The following FLRT3 variants were observed in gnomAD, a reference collection of about 807,000 sequenced individuals.
FLRT3 encodes the protein leucine-rich repeat transmembrane protein FLRT3.
FLRT3 carries 17 observed loss-of-function variants against 42.6 expected under a neutral mutation model. The observed-to-expected ratio is 0.40, with a 90% CI of 0.27 to 0.60. FLRT3 has a LOEUF of 0.60. Among genes scored for constraint, FLRT3 ranks in the 20% least tolerant of loss-of-function variants. FLRT3 has a pLI of 0.44. For missense variants in FLRT3, 635 were observed against 789.2 expected (o/e 0.80, Z 2.34); for synonymous variants, 279 against 286.4 (o/e 0.97, Z 0.26).
rs2082705706 is a variant in FLRT3, at chr20:14,324,646, A to T, written c.*911T>A. The T allele has an allele frequency of 6.6e-6, 1 of 152,180 alleles. No individual in the cohort carries two copies. Among genetic ancestry groups the T allele is most frequent in the African/African-American group, 2.4e-5 (1 of 41,464 alleles). The allele number at this position is 152,180 out of a possible 1,614,324, so 9.4% of individuals were successfully genotyped here. A position where few individuals can be genotyped will look rare whatever the true frequency, so the allele number is the denominator to read the frequency against. On this transcript the variant is annotated 3_prime_UTR_variant, in exon 3 of 3. Transcript: ENST00000341420. ...TTTCTCTGACATCCTTTATGATAAA[A>T]ACATCATAAACACTAACAATTTTGT...
chr20:14,326,341 G>A lies in FLRT3; in HGVS notation c.1166C>T (p.Pro389Leu), dbSNP rs997070065. Residue 389 changes from proline (P) to leucine (L), a missense_variant, in exon 3 of 3, where the codon CCA becomes CTA. By Grantham distance (98) the Pro-to-Leu change is moderately conservative. Coordinates refer to ENST00000341420, the MANE Select transcript of FLRT3 (RefSeq NM_198391.3). This position sits in a 1 kb window ranked among gnomAD's most constrained non-coding sequence, Gnocchi z 5.5. ...GQWPAPVTKQ[P>L]DIKNPKLTKD... ...AGTGAGCTTGGGGTTCTTAATATCT[G>A]GCTGTTTGGTCACTGGAGCTGGCCA... 7.4e-6 allele frequency: 12 copies of A among 1,613,762 alleles called. No individual in the cohort carries two copies. The highest frequency in any genetic ancestry group is 1.0e-5 in the Non-Finnish European group (12 of 1,179,866).
In FLRT3 at chr20:14,325,548, C is replaced by T. The variant is rs1389209915; in HGVS notation, c.*9G>A. 4 of 1,599,072 alleles carry T rather than the reference C, an allele frequency of 2.5e-6. No homozygotes were observed. Among genetic ancestry groups the T allele is most frequent in the Non-Finnish European group, 3.4e-6 (4 of 1,171,904 alleles). The stretch of plus-strand genomic sequence containing the variant: ...CCCAAAACACAAGTCTGCTGTGAGT[C>T]CTTCAGCATCATGAGTGTGAGTGAT... On this transcript the variant is annotated 3_prime_UTR_variant, in exon 3 of 3. Coordinates refer to ENST00000341420, the MANE Select transcript of FLRT3 (RefSeq NM_198391.3).
chr20:14,330,053 T>A (rs2082805462), intron 1 of FLRT3, among the ~76,000 whole-genome samples: 1 of 152,042 alleles, frequency 6.6e-6, no homozygotes, highest in African/African-American at 2.4e-5. Flanking sequence ...AAAAAAAAAT[T>A]GTATTTGAAA....
chr20:14,327,204 G>T lies in FLRT3; in HGVS notation c.303C>A (p.Asn101Lys). Reference sequence around the variant, plus strand: ...GTAACTCTTTTACATACTTTGGGAGGTTGGTAGGAAATTCATCTAAACTGT... The same window carrying T: ...GTAACTCTTTTACATACTTTGGGAGTTTGGTAGGAAATTCATCTAAACTGT... ...YHNSLDEFPT[N>K]LPKYVKELHL... Residue 101 changes from asparagine to lysine, a missense_variant, in exon 3 of 3, where the codon AAC (asparagine) becomes AAA (lysine). Transcript: ENST00000341420. 6.2e-7 allele frequency: 1 copy of T among 1,613,594 alleles called. No individual in the cohort carries two copies. Among genetic ancestry groups the T allele is most frequent in the Non-Finnish European group, 8.5e-7 (1 of 1,179,726 alleles).
chr20:14,328,608 G>T (rs1003169373), intron 2 of FLRT3, among the ~76,000 whole-genome samples: 1 of 152,106 alleles, frequency 6.6e-6, no homozygotes, highest in South Asian at 2.1e-4. Context: ...TAAATTTTGC[G>T]GGGGTGAATA....
chr20:14,326,087 G>A lies in FLRT3; in HGVS notation c.1420C>T (p.Pro474Ser). Residue 474 changes from proline (P) to serine (S), a missense_variant, in exon 3 of 3, where the codon CCC becomes TCC. By Grantham distance (74) the Pro-to-Ser change is moderately conservative. Coordinates refer to ENST00000341420, the MANE Select transcript of FLRT3 (RefSeq NM_198391.3). This position sits in a 1 kb window ranked among gnomAD's most constrained non-coding sequence, Gnocchi z 5.5. ...ATGGGAACCATGCATACTTTATAGGGTGAATCAGGCTCCAGGGCTGTGACC... is the reference window on the plus strand; with the variant it reads ...ATGGGAACCATGCATACTTTATAGGATGAATCAGGCTCCAGGGCTGTGACC... ...YLVTALEPDS[P>S]YKVCMVPMET... The A allele has an allele frequency of 6.2e-7, 1 of 1,613,922 alleles. No individual in the cohort carries two copies. Among genetic ancestry groups the A allele is most frequent in the South Asian group, 1.1e-5 (1 of 91,078 alleles).
In FLRT3 at chr20:14,337,550, T is replaced by C. The variant is rs1420363718; in HGVS notation, c.-393A>G. 7.5e-6 allele frequency: 3 copies of C among 398,528 alleles called. No homozygotes were observed. The highest frequency in any genetic ancestry group is 4.4e-5 in the Admixed American group (1 of 22,708). The allele number at this position is 398,528 out of a possible 1,614,324, so 24.7% of individuals were successfully genotyped here. A position where few individuals can be genotyped will look rare whatever the true frequency, so the allele number is the denominator to read the frequency against. ...CCACGGCAGCTGCAGGCTGAGCTTG[T>C]CCTGCTTCAGATCACTCCTACACTG... On this transcript the variant is annotated 5_prime_UTR_variant, in exon 1 of 3. Coordinates refer to ENST00000341420, the MANE Select transcript of FLRT3 (RefSeq NM_198391.3).
chr20:14,336,965 T>A (rs1458777691), intron 1 of FLRT3, among the ~76,000 whole-genome samples: 2 of 152,204 alleles, frequency 1.3e-5, no homozygotes, highest in East Asian at 1.9e-4. Context: ...TTTCATGTAC[T>A]GCGTACTCAT....
chr20:14,330,685 A>G (rs562964531), intron 1 of FLRT3, among the ~76,000 whole-genome samples: 1 of 152,252 alleles, frequency 6.6e-6, no homozygotes, highest in South Asian at 2.1e-4. Flanking sequence ...GATGGATCAA[A>G]CAGTCTCTAG....
At chr20:14,332,963 T>A (rs1182243603) in intron 1 of FLRT3, among the ~76,000 whole-genome samples, 1 of 152,076 alleles carries the variant, frequency 6.6e-6, no homozygotes, top group Non-Finnish European at 1.5e-5. Flanking sequence ...AAAACTGGAG[T>A]ACATCAGGTT....
intron 1 of FLRT3, among the ~76,000 whole-genome samples, chr20:14,330,570 A>G (rs1012537976): frequency 3.9e-5 from 6 of 152,118 alleles, no homozygotes; most frequent in Non-Finnish European, 5.9e-5. Flanking sequence ...TGCTAACTAC[A>G]TACCAACATG....
chr20:14,325,356 C>T lies in FLRT3; in HGVS notation c.*201G>A, dbSNP rs2082716593. 2 of 482,898 alleles carry T rather than the reference C, an allele frequency of 4.1e-6. No homozygotes were observed. The highest frequency in any genetic ancestry group is 6.5e-5 in the East Asian group (2 of 30,536). The allele number at this position is 482,898 out of a possible 1,614,324, so 29.9% of individuals were successfully genotyped here. A position where few individuals can be genotyped will look rare whatever the true frequency, so the allele number is the denominator to read the frequency against. On this transcript the variant is annotated 3_prime_UTR_variant, in exon 3 of 3. Coordinates refer to ENST00000341420, the MANE Select transcript of FLRT3 (RefSeq NM_198391.3). The stretch of plus-strand genomic sequence containing the variant: ...ATATAGAATTGTGTTCAGGCATCTC[C>T]ACTACATCAATCGCAGCAGTAACCT...
In FLRT3 at chr20:14,323,513, A is replaced by C. The variant is rs1389559493; in HGVS notation, c.*2044T>G. The C allele has an allele frequency of 6.6e-6, 1 of 152,068 alleles. No individual in the cohort carries two copies. Among genetic ancestry groups the C allele is most frequent in the East Asian group, 1.9e-4 (1 of 5,182 alleles). 9.4% of individuals were successfully genotyped at this position (152,068 alleles called of 1,614,324 possible). A position where few individuals can be genotyped will look rare whatever the true frequency, so the allele number is the denominator to read the frequency against. On this transcript the variant is annotated 3_prime_UTR_variant, in exon 3 of 3. Transcript: ENST00000341420. ...TTGATTACATAGGCATGCTTGATTAAACCACTGGTCACTGGTGATCAACTT... is the reference window on the plus strand; with the variant it reads ...TTGATTACATAGGCATGCTTGATTACACCACTGGTCACTGGTGATCAACTT...
intron 1 of FLRT3, among the ~76,000 whole-genome samples, chr20:14,332,916 C>T (rs920581123): frequency 3.9e-5 from 6 of 152,030 alleles, no homozygotes; most frequent in Non-Finnish European, 7.4e-5. Flanking sequence ...CAACAACAAA[C>T]GGTATTTCAA....
chr20:14,336,365 A>T (rs2122642664), intron 1 of FLRT3, among the ~76,000 whole-genome samples: 1 of 152,292 alleles, frequency 6.6e-6, no homozygotes, highest in South Asian at 2.1e-4. Context: ...AAATAAAATA[A>T]TAAAAACAAA....
intron 1 of FLRT3, among the ~76,000 whole-genome samples, chr20:14,336,785 C>T (rs2082945214): frequency 1.3e-5 from 2 of 152,120 alleles, no homozygotes; most frequent in East Asian, 3.9e-4. Flanking sequence ...GAGTGTCTCC[C>T]CCTCCTCTGA....
At chr20:14,337,366 C>A in intron 1 of FLRT3, 38 bp downstream of exon 1, 26 of 281,744 alleles carry the variant, frequency 9.2e-5, no homozygotes, top group Middle Eastern at 1.0e-3. Flanking sequence ...AGCAAACTTT[C>A]TGGGACAATC....
At position 14,325,863 on chromosome 20, in the gene FLRT3, C is replaced by T. The variant is rs751124703; in HGVS notation, c.1644G>A (p.Val548=). ...ALVTIALLAL[V]CWYVHRNGSL... is the part of the protein sequence containing the mutation. ...ATCCATTCCTATGAACATACCAACA[C>T]ACTAAAGCAAGAAGGGCAATGGTAA... is the stretch of plus-strand genomic sequence containing the variant. The change falls in exon 3 of 3, where the codon GTG becomes GTA. Residue 548 remains valine, a synonymous_variant. Transcript: ENST00000341420. 5.0e-6 allele frequency: 8 copies of T among 1,613,824 alleles called. No individual in the cohort carries two copies. The highest frequency in any genetic ancestry group is 6.8e-6 in the Non-Finnish European group (8 of 1,179,886).
chr20:14,333,942 C>T (rs138921766), intron 1 of FLRT3, among the ~76,000 whole-genome samples: 3 of 152,154 alleles, frequency 2.0e-5, no homozygotes, highest in Non-Finnish European at 4.4e-5. Context: ...GTAACTTGTG[C>T]ACATGTAAAG....
Sources: gnomAD v4.1 joint callset for allele counts (sites outside exome capture counted in the v4.1 genomes callset) on GRCh38, gnomAD v4.1.1 for gene constraint, Gnocchi (gnomAD v3.1) non-coding constraint, MANE v1.5 for transcripts, NCBI Gene and HGNC (gene_info 2026-07-23, HGNC 2026-07-21) for gene names.